Variants in PELI2 observed in about 807,000 individuals in gnomAD.
PELI2 encodes the protein E3 ubiquitin-protein ligase pellino homolog 2.
PELI2 carries 23 observed loss-of-function variants against 42.3 expected under a neutral mutation model. The ratio of observed to expected loss-of-function variants is 0.54; its 90% confidence interval spans 0.39 to 0.77. PELI2 has a LOEUF of 0.77. PELI2 is among the 30% of genes least tolerant of loss of function. The probability of loss-of-function intolerance (pLI) is 0.00; values close to 1 mark genes in which losing one functional copy is unlikely to be tolerated. For synonymous variants in PELI2, 245 were observed against 212.2 expected, an observed-to-expected ratio of 1.15 and a Z score of -1.34; for missense variants, 463 against 553.2, an observed-to-expected ratio of 0.84 and a Z score of 1.64.
intron 2 of PELI2, among the ~76,000 whole-genome samples, chr14:56,184,021 T>G (rs1417453034): frequency 6.6e-6 from 1 of 152,106 alleles, no homozygotes; most frequent in East Asian, 1.9e-4. Flanking sequence ...TAACTTTTTT[T>G]TTGGAAATTT....
chr14:56,245,290 A>T (rs1367733375), intron 2 of PELI2, among the ~76,000 whole-genome samples: 1 of 152,176 alleles, frequency 6.6e-6, no homozygotes, highest in Non-Finnish European at 1.5e-5. Flanking sequence ...TAATGAAAAT[A>T]TATTAATTAA....
At chr14:56,247,928 C>T (rs957295970) in intron 2 of PELI2, among the ~76,000 whole-genome samples, 8 of 152,232 alleles carry the variant, frequency 5.3e-5, no homozygotes, top group South Asian at 4.1e-4. Context: ...GAAATATAAA[C>T]GACAGATGTC....
intron 1 of PELI2, among the ~76,000 whole-genome samples, chr14:56,145,545 T>A (rs925695189): frequency 3.9e-5 from 6 of 152,362 alleles, no homozygotes; most frequent in Admixed American, 1.3e-4. Flanking sequence ...TTCTACAAGT[T>A]CTGCTTAGTT....
At chr14:56,245,676 G>A (rs1020699401) in intron 2 of PELI2, among the ~76,000 whole-genome samples, 1 of 152,070 alleles carries the variant, frequency 6.6e-6, no homozygotes, top group Non-Finnish European at 1.5e-5. Context: ...AGTCAAAATA[G>A]CAATACTACA....
Position 56,130,914 on chromosome 14 carries a change from T to C in PELI2, c.77+12177T>C. ...ACCCTTGAAATCTTTCTTCTTGCTT[T>C]TGTTGCTGTCGTTGGTAATTTAGGC... On this transcript the variant is annotated intron_variant, in intron 1 of 5. Coordinates refer to ENST00000267460, the MANE Select transcript of PELI2 (RefSeq NM_021255.3). 1.3e-5 allele frequency among the ~76,000 whole-genome samples: 2 copies of C among 152,220 alleles called. 1 individual carries two copies. Among genetic ancestry groups the C allele is most frequent in the Middle Eastern group, 6.3e-3 (2 of 316 alleles).
intron 2 of PELI2, among the ~76,000 whole-genome samples, chr14:56,233,930 AG>A (rs1594667516): frequency 6.6e-6 from 1 of 152,240 alleles, no homozygotes; most frequent in African/African-American, 2.4e-5. Context: ...CCCCATCAAA[AG>A]TGGGCGAAGG....
chr14:56,178,346 C>T lies in PELI2; in HGVS notation c.89C>T (p.Ala30Val), dbSNP rs373163291. The T allele has an allele frequency of 5.0e-6, 8 of 1,613,914 alleles. No individual in the cohort carries two copies. The African/African-American group carries it at 1.1e-4, about 22-fold the overall frequency. ...CTCTCTGTTTCTAGGTACAATGGTG[C>T]TTTACCCAATGGAGATAGAGGACGG... Reference protein sequence around the residue: ...GELVVLGYNGALPNGDRGRRK... With the variant: ...GELVVLGYNGVLPNGDRGRRK... The change falls in exon 2 of 6, where the codon GCT becomes GTT. Residue 30 changes from alanine to valine, a missense_variant. Physicochemically the swap from Ala to Val is moderately conservative, Grantham distance 64. Transcript: ENST00000267460.
intron 1 of PELI2, among the ~76,000 whole-genome samples, chr14:56,148,048 C>G (rs1242294199): frequency 2.0e-5 from 3 of 152,220 alleles, no homozygotes; most frequent in African/African-American, 7.2e-5. Flanking sequence ...AGATCGTTAT[C>G]TTTCCCTGGT....
chr14:56,221,073 C>T (rs761219614), intron 2 of PELI2, among the ~76,000 whole-genome samples: 3 of 152,150 alleles, frequency 2.0e-5, no homozygotes, highest in Non-Finnish European at 4.4e-5. Context: ...CCTCCACCTG[C>T]AAAACTGGCC....
intron 1 of PELI2, among the ~76,000 whole-genome samples, chr14:56,164,886 C>T (rs949840252): frequency 6.6e-6 from 1 of 150,948 alleles, no homozygotes; most frequent in African/African-American, 2.4e-5. Context: ...GTTGTAATGT[C>T]TTCTTTTTCA....
chr14:56,125,421 G>GA (rs1883217808), intron 1 of PELI2, among the ~76,000 whole-genome samples: 1 of 151,778 alleles, frequency 6.6e-6, no homozygotes, highest in Non-Finnish European at 1.5e-5. Flanking sequence ...TGGGCAGGGG[G>GA]GGGGTGAATT....
intron 2 of PELI2, among the ~76,000 whole-genome samples, chr14:56,224,635 T>A (rs1887274741): frequency 6.6e-6 from 1 of 152,368 alleles, no homozygotes; most frequent in East Asian, 1.9e-4. Context: ...TTGTCAGGAT[T>A]TTTTAAATTA....
chr14:56,247,574 T>TG (rs1888207087), intron 2 of PELI2, among the ~76,000 whole-genome samples: 1 of 152,246 alleles, frequency 6.6e-6, no homozygotes, highest in African/African-American at 2.4e-5. Flanking sequence ...CTGTCATCAG[T>TG]GGATTCACTG....
At chr14:56,242,363 A>G (rs1396002708) in intron 2 of PELI2, among the ~76,000 whole-genome samples, 1 of 152,230 alleles carries the variant, frequency 6.6e-6, no homozygotes, top group African/African-American at 2.4e-5. Flanking sequence ...AAATTATTTT[A>G]TATTAGCAGC....
At chr14:56,230,558 T>G (rs1016257249) in intron 2 of PELI2, among the ~76,000 whole-genome samples, 2 of 152,284 alleles carry the variant, frequency 1.3e-5, no homozygotes, top group Middle Eastern at 3.4e-3. Context: ...GCTGAGAGAT[T>G]TTGTGACCAC....
chr14:56,186,797 A>C (rs1168361505), intron 2 of PELI2, among the ~76,000 whole-genome samples: 5 of 152,200 alleles, frequency 3.3e-5, no homozygotes, highest in Non-Finnish European at 5.9e-5. Flanking sequence ...TCGTTGGAAA[A>C]ATAATTTAAT....
At chr14:56,221,510 G>T (rs1348282894) in intron 2 of PELI2, among the ~76,000 whole-genome samples, 1 of 152,204 alleles carries the variant, frequency 6.6e-6, no homozygotes, top group Non-Finnish European at 1.5e-5. Context: ...GTATTTGCCA[G>T]ATCCCAAATT....
chr14:56,246,729 A>G (rs1172660045), intron 2 of PELI2, among the ~76,000 whole-genome samples: 1 of 152,188 alleles, frequency 6.6e-6, no homozygotes, highest in African/African-American at 2.4e-5. Context: ...GGAAACTAAG[A>G]CTCAAAAGTT....
intron 1 of PELI2, among the ~76,000 whole-genome samples, chr14:56,141,763 G>T (rs1412003935): frequency 6.6e-6 from 1 of 152,166 alleles, no homozygotes; most frequent in Non-Finnish European, 1.5e-5. Flanking sequence ...CCAAGATTCA[G>T]TTATCTCCAC....
Sources: gnomAD v4.1 joint callset for allele counts (sites outside exome capture counted in the v4.1 genomes callset) on GRCh38, gnomAD v4.1.1 for gene constraint, MANE v1.5 for transcripts, NCBI Gene and HGNC (gene_info 2026-07-23, HGNC 2026-07-21) for gene names.